Variants in CIITA observed in about 807,000 individuals in gnomAD.
CIITA encodes class II major histocompatibility complex transactivator, also known as MHC class II transactivator.
CIITA carries 72 observed loss-of-function variants against 115.1 expected under a neutral mutation model. The observed-to-expected ratio is 0.63, with a 90% confidence interval of 0.52 to 0.76. CIITA has a LOEUF of 0.76. Ranked by LOEUF, CIITA falls within the 30% of genes least tolerant of loss-of-function variation. CIITA has a pLI of 0.00. For missense variants in CIITA, 1,617 were observed against 1,463.8 expected (o/e 1.10, Z -1.71); for synonymous variants, 763 against 635.6 (o/e 1.20, Z -3.02).
intron 1 of CIITA, among the ~76,000 whole-genome samples, chr16:10,868,518 T>C (rs1035110432): frequency 2.0e-5 from 3 of 152,140 alleles, no homozygotes; most frequent in Non-Finnish European, 4.4e-5. Context: ...TTAATTCTCT[T>C]CCTCCTAACA....
At chr16:10,912,082 A>T (rs2039621600) in intron 13 of CIITA, among the ~76,000 whole-genome samples, 2 of 152,124 alleles carry the variant, frequency 1.3e-5, no homozygotes, top group South Asian at 4.1e-4. Context: ...TCATCTAATG[A>T]TTAGGAAGGA....
At chr16:10,892,443 C>T (rs1297157131) in intron 1 of CIITA, among the ~76,000 whole-genome samples, 1 of 152,170 alleles carries the variant, frequency 6.6e-6, no homozygotes, top group Non-Finnish European at 1.5e-5. Context: ...GCAGTAGGAG[C>T]CTCCCTCTGG....
chr16:10,895,661 C>G lies in CIITA; in HGVS notation c.200-8C>G. The G allele has an allele frequency of 6.2e-7, 1 of 1,614,126 alleles. No homozygotes were observed. The highest frequency in any genetic ancestry group is 1.3e-5 in the African/African-American group (1 of 75,040). Reference sequence around the variant, plus strand: ...TTCCTTCTTCATCCAAGGGACTTTTCCTCCCAGAACCCGACACAGACACCA... The same window carrying G: ...TTCCTTCTTCATCCAAGGGACTTTTGCTCCCAGAACCCGACACAGACACCA... On this transcript the variant is annotated splice_polypyrimidine_tract_variant and splice_region_variant and intron_variant, in intron 2 of 19. Transcript: ENST00000324288.
At chr16:10,895,513 C>G (rs45456897) in intron 2 of CIITA, 85 bp downstream of exon 2, 1 of 1,591,738 alleles carries the variant, frequency 6.3e-7, no homozygotes, top group South Asian at 1.1e-5. Flanking sequence ...AATTCTGGTC[C>G]CTGCCCTCCC....
Position 10,907,595 on chromosome 16 carries a change from C to T in CIITA, c.2103C>T (p.Ala701=), listed in dbSNP as rs564280588. Residue 701 remains alanine (A), a synonymous_variant, in exon 11 of 20, where the codon GCC becomes GCT. Transcript: ENST00000324288. This position sits in a 1 kb window ranked among gnomAD's most constrained non-coding sequence, Gnocchi z 5.0. ...AKGLVQHPPR[A]AESELAFPSF... The stretch of plus-strand genomic sequence containing the variant: ...GCTTAGTCCAACACCCACCGCGGGC[C>T]GCAGAGTCCGAGCTGGCCTTCCCCA... 16 of 1,614,200 alleles carry T rather than the reference C, an allele frequency of 9.9e-6. No homozygotes were observed. In the East Asian group the frequency reaches 2.0e-4, roughly 20 times the overall value.
chr16:10,900,697 G>A lies in CIITA; in HGVS notation c.437-817G>A, dbSNP rs146426649. On this transcript the variant is annotated intron_variant, in intron 5 of 19. Transcript: ENST00000324288. Reference sequence around the variant, plus strand: ...AGAGGTTGCAGTGAGCCAAGATTGCGCCAGTGCACTCCAGCCTGGGCAACA... The same window carrying A: ...AGAGGTTGCAGTGAGCCAAGATTGCACCAGTGCACTCCAGCCTGGGCAACA... Among the ~76,000 whole-genome samples, 350 of 151,066 alleles carry A rather than the reference G, an allele frequency of 2.3e-3. 1 individual carries two copies. The highest frequency in any genetic ancestry group is 9.7e-3 in the East Asian group (50 of 5,140).
intron 5 of CIITA, among the ~76,000 whole-genome samples, chr16:10,899,908 C>A (rs531641245): frequency 1.3e-5 from 2 of 152,118 alleles, no homozygotes; most frequent in African/African-American, 4.8e-5. Context: ...GGTGAAACCG[C>A]GTCTCTACCA....
intron 1 of CIITA, among the ~76,000 whole-genome samples, chr16:10,870,301 G>T (rs953223420): frequency 4.0e-5 from 6 of 151,868 alleles, no homozygotes; most frequent in Non-Finnish European, 8.8e-5. Context: ...TGATTCAGAA[G>T]TCCCCTTCAG....
chr16:10,867,341 C>T (rs1209417952), intron 1 of CIITA, among the ~76,000 whole-genome samples: 7 of 146,836 alleles, frequency 4.8e-5, no homozygotes, highest in Admixed American at 2.7e-4. Context: ...GGCATGTGTG[C>T]GTTTGCATGC....
intron 12 of CIITA, among the ~76,000 whole-genome samples, chr16:10,909,471 C>T (rs1025193986): frequency 6.6e-6 from 1 of 152,246 alleles, no homozygotes. Context: ...ACAAGGATGC[C>T]TTGTGCACCT....
intron 13 of CIITA, 79 bp downstream of exon 13, chr16:10,910,338 T>A (rs2039475858): frequency 1.7e-6 from 2 of 1,176,056 alleles, no homozygotes; most frequent in South Asian, 1.3e-5. Flanking sequence ...ACCACCTGAA[T>A]GGAGATAGAT....
rs1261968925 is a variant in CIITA at position 10,927,620 on chromosome 16, A to T, written c.*3765A>T. 1 of 152,158 alleles carries T rather than the reference A, an allele frequency of 6.6e-6. No homozygotes were observed. Among genetic ancestry groups the T allele is most frequent in the Non-Finnish European group, 1.5e-5 (1 of 68,048 alleles). 9.4% of individuals were successfully genotyped at this position (152,158 alleles called of 1,614,324 possible). A position where few individuals can be genotyped will look rare whatever the true frequency, so the allele number is the denominator to read the frequency against. ...CACAAAGGCACCTGGGACAAGGGGG[A>T]ACATGGGGGCTGCAAACCAGTCTGG... On this transcript the variant is annotated 3_prime_UTR_variant, in exon 20 of 20. Transcript: ENST00000324288.
Position 10,902,647 on chromosome 16 carries a change from GTC to G in CIITA, c.629-7_629-6del. On this transcript the variant is annotated splice_polypyrimidine_tract_variant and intron_variant, in intron 7 of 19. Coordinates refer to ENST00000324288, the MANE Select transcript of CIITA (RefSeq NM_000246.4). ...TGCAAGATCCCACCTCACTGCCTTT[GTC>G]TCTTGCAGTGCCTTTCTCCAGTTCC... The G allele has an allele frequency of 6.2e-7, 1 of 1,614,254 alleles. No homozygotes were observed. Among genetic ancestry groups the G allele is most frequent in the Non-Finnish European group, 8.5e-7 (1 of 1,180,046 alleles).
rs1359516125 is a variant in CIITA at position 10,880,578 on chromosome 16, G to A, written c.52+3196G>A. Among the ~76,000 whole-genome samples, 3 of 152,330 alleles carry A rather than the reference G, an allele frequency of 2.0e-5. No individual in the cohort carries two copies. The East Asian group carries it at 5.8e-4, about 29-fold the overall frequency. On this transcript the variant is annotated intron_variant, in intron 1 of 19. Transcript: ENST00000324288. The stretch of plus-strand genomic sequence containing the variant: ...CCAGCCCAGTGCAGCAAGCAGATGT[G>A]AACCTCCACAAATGCAGGGCAGGTC...
At chr16:10,869,942 G>A (rs1441216457) in intron 1 of CIITA, among the ~76,000 whole-genome samples, 2 of 152,000 alleles carry the variant, frequency 1.3e-5, no homozygotes, top group African/African-American at 4.8e-5. Flanking sequence ...CCTAGCACAG[G>A]GCCTGAGCAC....
intron 1 of CIITA, among the ~76,000 whole-genome samples, chr16:10,885,601 C>G (rs538214182): frequency 1.3e-5 from 2 of 152,296 alleles, no homozygotes; most frequent in East Asian, 1.9e-4. Flanking sequence ...GGTTTGCAAA[C>G]AGCAGGCTGG....
At chr16:10,877,872 C>A (rs867424619) in intron 1 of CIITA, among the ~76,000 whole-genome samples, 15 of 152,218 alleles carry the variant, frequency 9.9e-5, no homozygotes, top group Middle Eastern at 6.8e-3. Context: ...CCCCCAGTTT[C>A]CTAATGGTGT....
At chr16:10,904,076 G>T (rs538951048) in intron 9 of CIITA, among the ~76,000 whole-genome samples, 181 bp downstream of exon 9, 14 of 152,196 alleles carry the variant, frequency 9.2e-5, no homozygotes, top group Admixed American at 2.6e-4. Context: ...GGAATGGACA[G>T]CTAGAGAATC....
At chr16:10,908,563 A>T in intron 11 of CIITA, 1 of 413,198 alleles carries the variant, frequency 2.4e-6, no homozygotes, top group Non-Finnish European at 4.5e-6. Flanking sequence ...TTCAGCAACC[A>T]GACCAATCTT....
Sources: allele counts gnomAD v4.1 joint callset (sites outside exome capture counted in the v4.1 genomes callset), GRCh38; gene constraint gnomAD v4.1.1; non-coding constraint Gnocchi (gnomAD v3.1); transcripts MANE v1.5; gene names NCBI Gene and HGNC (gene_info 2026-07-23, HGNC 2026-07-21).